The following NAV2 variants were observed in gnomAD, a reference collection of about 807,000 sequenced individuals.
NAV2 encodes helicase, APC down-regulated 1.
A neutral mutation model predicts 223.2 loss-of-function variants in NAV2; 54 were observed. The observed-to-expected ratio is 0.24, with a 90% CI of 0.19 to 0.30. The LOEUF (loss-of-function observed/expected upper bound fraction) is 0.30, where lower values mean the gene tolerates loss of function less well. NAV2 is among the 10% of genes least tolerant of loss of function. The pLI is 1.00. For missense variants in NAV2, 2,806 were observed against 3,147.5 expected (o/e 0.89, Z 2.60); for synonymous variants, 1,279 against 1,239.3 (o/e 1.03, Z -0.67).
intron 1 of NAV2, among the ~76,000 whole-genome samples, chr11:19,671,695 G>A (rs568671752): frequency 1.3e-5 from 2 of 152,284 alleles, no homozygotes; most frequent in South Asian, 2.1e-4. Flanking sequence ...GGCTTTGCAC[G>A]GCCGTGTACT....
intron 3 of NAV2, among the ~76,000 whole-genome samples, chr11:19,858,469 T>C (rs976435483): frequency 6.6e-6 from 1 of 152,260 alleles, no homozygotes. Flanking sequence ...TTTGATGCGT[T>C]GCACACTTAG....
intron 3 of NAV2, among the ~76,000 whole-genome samples, chr11:19,867,161 G>C (rs1379766566): frequency 1.3e-5 from 2 of 152,156 alleles, no homozygotes; most frequent in Non-Finnish European, 2.9e-5. Flanking sequence ...AGACACAACT[G>C]TTATTGCACT....
chr11:19,715,547 C>T (rs2050233929), intron 1 of NAV2, among the ~76,000 whole-genome samples: 1 of 152,112 alleles, frequency 6.6e-6, no homozygotes, highest in African/African-American at 2.4e-5. Context: ...GAGGAGCACC[C>T]GAGGAATGAG....
intron 1 of NAV2, among the ~76,000 whole-genome samples, chr11:19,542,943 C>T (rs11025175): frequency 0.12 from 18,186 of 152,228 alleles, 1,194 homozygotes; most frequent in East Asian, 0.19. Context: ...GTTCCCTGAT[C>T]AGGGATGAAG....
intron 1 of NAV2, among the ~76,000 whole-genome samples, chr11:19,685,582 C>G (rs1377431911): frequency 6.6e-6 from 1 of 152,104 alleles, no homozygotes; most frequent in Non-Finnish European, 1.5e-5. Context: ...ATTTAGTGCT[C>G]ATTAAGAGTA....
chr11:20,095,808 A>G (rs2061220183), intron 30 of NAV2, 41 bp downstream of exon 30: 2 of 1,453,366 alleles, frequency 1.4e-6, no homozygotes, highest in Non-Finnish European at 1.9e-6. Flanking sequence ...ACTACCTAAC[A>G]TGGGCATCCG....
intron 1 of NAV2, among the ~76,000 whole-genome samples, chr11:19,357,603 G>A (rs909233762): frequency 1.3e-5 from 2 of 152,108 alleles, no homozygotes; most frequent in African/African-American, 2.4e-5. Context: ...AGTAAAATGG[G>A]GATGGGGGTG....
chr11:19,428,406 C>T lies in NAV2; in HGVS notation c.75+77379C>T, dbSNP rs114609587. ...GGGGCTGAACCAATTAATGTGGGGC[C>T]TCACTGAGAATTAGCTCCTTGACGC... On this transcript the variant is annotated intron_variant, in intron 1 of 37. Coordinates refer to the NAV2 transcript ENST00000360655. Among the ~76,000 whole-genome samples, 199 of 152,298 alleles carry T rather than the reference C, an allele frequency of 1.3e-3. 1 individual carries two copies. Among genetic ancestry groups the T allele is most frequent in the African/African-American group, 4.4e-3 (184 of 41,574 alleles).
chr11:19,406,642 C>T (rs193199684), intron 1 of NAV2, among the ~76,000 whole-genome samples: 5 of 152,114 alleles, frequency 3.3e-5, no homozygotes, highest in African/African-American at 9.7e-5. Flanking sequence ...CCTCATCCAG[C>T]CTTCTTTTTT....
intron 1 of NAV2, among the ~76,000 whole-genome samples, chr11:19,549,688 G>A (rs1011693427): frequency 6.6e-6 from 1 of 152,242 alleles, no homozygotes; most frequent in Non-Finnish European, 1.5e-5. Context: ...AATTCCACGG[G>A]AGTGGTGTGC....
intron 1 of NAV2, among the ~76,000 whole-genome samples, chr11:19,375,347 C>T (rs1482155603): frequency 6.6e-6 from 1 of 152,188 alleles, no homozygotes. Flanking sequence ...CAGAAGATGG[C>T]TGGGCACAGG....
chr11:19,643,578 G>T (rs966002817), intron 1 of NAV2, among the ~76,000 whole-genome samples: 2 of 152,238 alleles, frequency 1.3e-5, no homozygotes, highest in African/African-American at 4.8e-5. Context: ...TGGACATTAG[G>T]GTTGGTTCCA....
intron 1 of NAV2, among the ~76,000 whole-genome samples, chr11:19,380,323 T>C (rs1848794331): frequency 6.6e-6 from 1 of 152,240 alleles, no homozygotes; most frequent in Non-Finnish European, 1.5e-5. Flanking sequence ...TTGCATTAGA[T>C]ATTTCATCCC....
At chr11:19,486,271 C>A (rs530077119) in intron 1 of NAV2, among the ~76,000 whole-genome samples, 124 of 152,246 alleles carry the variant, frequency 8.1e-4, no homozygotes, top group Middle Eastern at 3.4e-3. Flanking sequence ...TAGTCTCTTC[C>A]TGGGACCCTG....
intron 1 of NAV2, among the ~76,000 whole-genome samples, chr11:19,618,232 G>A (rs1164300547): frequency 2.6e-5 from 4 of 152,128 alleles, no homozygotes; most frequent in Admixed American, 2.6e-4. Context: ...ATAGATGGAT[G>A]GATGGATGGA....
chr11:20,044,879 G>T, intron 13 of NAV2, 89 bp from the exon 14 acceptor site: 1 of 1,096,268 alleles, frequency 9.1e-7, no homozygotes, highest in Non-Finnish European at 1.3e-6. Context: ...AAGTGAACCA[G>T]CTCTTCAGAG....
At chr11:19,611,012 G>A (rs1209679916) in intron 1 of NAV2, among the ~76,000 whole-genome samples, 2 of 152,184 alleles carry the variant, frequency 1.3e-5, no homozygotes, top group Non-Finnish European at 2.9e-5. Context: ...CCAAGACTGG[G>A]AAGAAAAAGA....
Position 19,879,730 on chromosome 11 carries a change from T to C in NAV2, c.512-139T>C. ...TTTCTTTGTGGTATAGGCCTGATTT[T>C]AATTGCCTGTGATACCAATGAAGTG... is the stretch of plus-strand genomic sequence containing the variant. On this transcript the variant is annotated intron_variant, in intron 4 of 37. Coordinates refer to ENST00000349880, the MANE Select transcript of NAV2 (RefSeq NM_145117.5). 4.0e-6 allele frequency: 4 copies of C among 993,774 alleles called. No individual in the cohort carries two copies. In the South Asian group the frequency reaches 6.1e-5, roughly 15 times the overall value. The allele number at this position is 993,774 out of a possible 1,614,324, so 61.6% of individuals were successfully genotyped here.
chr11:19,427,596 AGTT>A (rs1171775963), intron 1 of NAV2, among the ~76,000 whole-genome samples: 3 of 152,108 alleles, frequency 2.0e-5, no homozygotes, highest in Non-Finnish European at 2.9e-5. Flanking sequence ...TGGCACAAAT[AGTT>A]GTTGTTGTTG....
Sources: allele counts gnomAD v4.1 joint callset (sites outside exome capture counted in the v4.1 genomes callset), GRCh38; gene constraint gnomAD v4.1.1; transcripts MANE v1.5; gene names NCBI Gene and HGNC (gene_info 2026-07-23, HGNC 2026-07-21).